The following RBFOX1 variants were observed in gnomAD, a reference collection of about 807,000 sequenced individuals.
RBFOX1 encodes RNA binding fox-1 homolog 1.
In RBFOX1, 8 loss-of-function variants were observed where a neutral mutation model predicts 57.7. The ratio of observed to expected loss-of-function variants is 0.14; its 90% CI spans 0.08 to 0.25. The LOEUF (loss-of-function observed/expected upper bound fraction) is 0.25. Among genes scored for constraint, RBFOX1 ranks in the 10% least tolerant of loss-of-function variants. RBFOX1 has a pLI of 1.00. For synonymous variants in RBFOX1, 326 were observed against 222.4 expected (o/e 1.47, Z -4.15); for missense variants, 611 against 548.5 (o/e 1.11, Z -1.14).
chr16:6,469,022 A>C lies in RBFOX1; in HGVS notation c.-64+151965A>C, dbSNP rs189422990. 2.5e-3 allele frequency among the ~76,000 whole-genome samples: 381 copies of C among 152,154 alleles called. 2 individuals are homozygous for C. The highest frequency in any genetic ancestry group is 8.5e-3 in the African/African-American group (354 of 41,508). On this transcript the variant is annotated intron_variant, in intron 2 of 15. Coordinates refer to ENST00000550418, the MANE Select transcript of RBFOX1 (RefSeq NM_018723.4). The stretch of plus-strand genomic sequence containing the variant: ...GGAACCAGAAGCCCCAGGCATTGGA[A>C]GTGGTCAAGGCATTTTTTTCTTTGA...
chr16:5,897,261 T>A (rs2058190857), intron 4 of RBFOX1, among the ~76,000 whole-genome samples: 1 of 150,898 alleles, frequency 6.6e-6, no homozygotes, highest in South Asian at 2.1e-4. Context: ...GGTCTCGATC[T>A]CCTGACCTCA....
chr16:6,689,757 G>C lies in RBFOX1; in HGVS notation c.-16+35107G>C, dbSNP rs2059942780. ...AACTCCCACAACATGGAAATAAACA[G>C]AGAGCCCAGCTGTTTTGTTTCTCCG... On this transcript the variant is annotated intron_variant, in intron 3 of 15. Transcript: ENST00000550418. Among the ~76,000 whole-genome samples the C allele has an allele frequency of 2.6e-5, 4 of 152,204 alleles. No individual in the cohort carries two copies. The South Asian group carries it at 8.3e-4, about 32-fold the overall frequency.
chr16:6,370,483 C>G (rs2090273179), intron 2 of RBFOX1, among the ~76,000 whole-genome samples: 1 of 150,818 alleles, frequency 6.6e-6, no homozygotes, highest in South Asian at 2.1e-4. Context: ...GTTTCAGCTG[C>G]TACAAAAAAG....
intron 2 of RBFOX1, among the ~76,000 whole-genome samples, chr16:5,581,543 T>A (rs562658220): frequency 6.8e-4 from 104 of 152,284 alleles, no homozygotes; most frequent in African/African-American, 2.5e-3. Context: ...GTCACAGGGC[T>A]AATGGGCATG....
intron 4 of RBFOX1, among the ~76,000 whole-genome samples, chr16:7,091,285 A>T (rs1186836537): frequency 6.6e-6 from 1 of 151,528 alleles, no homozygotes; most frequent in East Asian, 1.9e-4. Context: ...TTTTTGTTAC[A>T]AATTTGGTGT....
At chr16:6,339,701 C>T (rs1357386854) in intron 2 of RBFOX1, among the ~76,000 whole-genome samples, 1 of 150,626 alleles carries the variant, frequency 6.6e-6, no homozygotes, top group Non-Finnish European at 1.5e-5. Context: ...GAGAGAGTCT[C>T]GCTCTGTCAC....
At position 5,608,326 on chromosome 16, in the gene RBFOX1, G is replaced by A. The variant is rs539802155; in HGVS notation, c.318+9365G>A. Reference sequence around the variant, plus strand: ...CTCTGTTTCCGTAACAGCAGCAGCCGTCTGAGCAGTCATAGCATACCATGA... The same window carrying A: ...CTCTGTTTCCGTAACAGCAGCAGCCATCTGAGCAGTCATAGCATACCATGA... On this transcript the variant is annotated intron_variant, in intron 3 of 19. Transcript: ENST00000641259. Among the ~76,000 whole-genome samples, 7 of 152,272 alleles carry A rather than the reference G, an allele frequency of 4.6e-5. No individual in the cohort carries two copies. The South Asian group carries it at 8.3e-4, about 18-fold the overall frequency.
chr16:7,408,648 A>G (rs1185191905), intron 4 of RBFOX1, among the ~76,000 whole-genome samples: 1 of 152,210 alleles, frequency 6.6e-6, no homozygotes, highest in Non-Finnish European at 1.5e-5. Context: ...GCTATCTCCT[A>G]CAGCACGTTT....
intron 4 of RBFOX1, among the ~76,000 whole-genome samples, chr16:7,300,162 C>G (rs1216087568): frequency 6.6e-6 from 1 of 152,148 alleles, no homozygotes; most frequent in Non-Finnish European, 1.5e-5. Flanking sequence ...ACAGCACTCA[C>G]CACCATCTAT....
At chr16:7,215,015 C>A (rs2091799342) in intron 4 of RBFOX1, among the ~76,000 whole-genome samples, 1 of 152,094 alleles carries the variant, frequency 6.6e-6, no homozygotes. Flanking sequence ...GTTTTAAGCC[C>A]CACATGCATT....
chr16:6,200,706 G>A (rs1261230817), intron 1 of RBFOX1, among the ~76,000 whole-genome samples: 3 of 152,156 alleles, frequency 2.0e-5, no homozygotes, highest in African/African-American at 4.8e-5. Context: ...GTTTGCTTGG[G>A]GAAGGACACG....
At chr16:6,817,532 TAAAAA>T (rs71145302) in intron 3 of RBFOX1, among the ~76,000 whole-genome samples, 29 of 127,570 alleles carry the variant, frequency 2.3e-4, no homozygotes, top group African/African-American at 6.3e-4. Context: ...TTTCTTTGCT[TAAAAA>T]AAAAAAAAAA....
chr16:5,291,805 G>A (rs140067384), intron 1 of RBFOX1, among the ~76,000 whole-genome samples: 2,069 of 152,258 alleles, frequency 0.014, 24 homozygotes, highest in Non-Finnish European at 0.022. Context: ...GAAGGATTTA[G>A]GAGGTAAAAC....
At chr16:5,746,342 C>G (rs184637097) in intron 3 of RBFOX1, among the ~76,000 whole-genome samples, 40 of 152,252 alleles carry the variant, frequency 2.6e-4, no homozygotes, top group African/African-American at 8.4e-4. Flanking sequence ...GTTACTGTAG[C>G]CTTGTAGTAT....
At chr16:6,832,902 G>A (rs1435840304) in intron 3 of RBFOX1, among the ~76,000 whole-genome samples, 1 of 152,184 alleles carries the variant, frequency 6.6e-6, no homozygotes, top group Admixed American at 6.5e-5. Context: ...GCGAACTAGT[G>A]TATCTGCATT....
chr16:6,120,498 A>C (rs894056975), intron 1 of RBFOX1, among the ~76,000 whole-genome samples: 13 of 152,058 alleles, frequency 8.5e-5, no homozygotes, highest in African/African-American at 2.9e-4. Context: ...CTTGCTTGTC[A>C]TGGGATCTTG....
chr16:5,901,998 C>G (rs934214864), intron 4 of RBFOX1, among the ~76,000 whole-genome samples: 2 of 152,202 alleles, frequency 1.3e-5, no homozygotes, highest in Admixed American at 6.5e-5. Flanking sequence ...CTACCTGTAA[C>G]TTCCCATTAT....
chr16:5,991,625 G>C (rs1159432239), intron 4 of RBFOX1, among the ~76,000 whole-genome samples: 1 of 149,588 alleles, frequency 6.7e-6, no homozygotes, highest in Non-Finnish European at 1.5e-5. Flanking sequence ...ATGCCATTTG[G>C]TTTGGGAAAT....
rs112817907 is a variant in RBFOX1 at position 6,472,788 on chromosome 16, G to GT, written c.-64+155739dup. Among the ~76,000 whole-genome samples the GT allele has an allele frequency of 2.3e-3, 346 of 151,446 alleles. 1 individual carries two copies. The highest frequency in any genetic ancestry group is 4.6e-3 in the African/African-American group (192 of 41,320). On this transcript the variant is annotated intron_variant, in intron 2 of 15. Coordinates refer to ENST00000550418, the MANE Select transcript of RBFOX1 (RefSeq NM_018723.4). ...CAGGCGTGCGCCACCATGCCCAGCT[G>GT]TTTTTTTTGTGTTTTTAGTAGAGAT...
Sources: gnomAD v4.1 joint callset for allele counts (sites outside exome capture counted in the v4.1 genomes callset) on GRCh38, gnomAD v4.1.1 for gene constraint, MANE v1.5 for transcripts, NCBI Gene and HGNC (gene_info 2026-07-23, HGNC 2026-07-21) for gene names.